IL23R: variants seen among roughly 807,000 people sequenced by gnomAD.
IL23R encodes interleukin 23 receptor.
In IL23R, 34 loss-of-function variants were observed where a neutral mutation model predicts 56.9. The observed-to-expected ratio is 0.60, with a 90% CI of 0.45 to 0.80. IL23R has a LOEUF of 0.80. IL23R is among the 30% of genes least tolerant of loss of function. The pLI is 0.00. For synonymous variants in IL23R, 230 were observed against 249.2 expected (o/e 0.92, Z 0.73); for missense variants, 635 against 730.0 (o/e 0.87, Z 1.50).
intron 5 of IL23R, among the ~76,000 whole-genome samples, chr1:67,204,278 T>C (rs978498699): frequency 2.6e-5 from 4 of 152,210 alleles, no homozygotes; most frequent in African/African-American, 9.7e-5. Context: ...TTAGCCAGGA[T>C]GGTCTCGATC....
At chr1:67,234,808 A>G (rs1290962098) in intron 7 of IL23R, among the ~76,000 whole-genome samples, 2 of 147,860 alleles carry the variant, frequency 1.4e-5, no homozygotes, top group Non-Finnish European at 3.0e-5. Flanking sequence ...CCTGGGTTCA[A>G]GTGATTCTCC....
At chr1:67,233,110 A>G (rs1175130219) in intron 7 of IL23R, among the ~76,000 whole-genome samples, 4 of 141,756 alleles carry the variant, frequency 2.8e-5, no homozygotes, top group Non-Finnish European at 1.5e-5. Context: ...GCATTTTGGG[A>G]GGCTGAAGCA....
At chr1:67,144,033 A>T (rs534291470) in intron 1 of IL23R, among the ~76,000 whole-genome samples, 1 of 152,352 alleles carries the variant, frequency 6.6e-6, no homozygotes, top group African/African-American at 2.4e-5. Flanking sequence ...AAATAAAATA[A>T]AAAATAATAA....
intron 1 of IL23R, among the ~76,000 whole-genome samples, chr1:67,155,092 T>C (rs1398959085): frequency 6.6e-6 from 1 of 152,232 alleles, no homozygotes; most frequent in Non-Finnish European, 1.5e-5. Flanking sequence ...GAAAATTCTT[T>C]TCTATAAGAA....
At chr1:67,187,337 A>G (rs774974404) in intron 4 of IL23R, among the ~76,000 whole-genome samples, 3 of 152,226 alleles carry the variant, frequency 2.0e-5, no homozygotes, top group Non-Finnish European at 4.4e-5. Context: ...GTAAAACTGC[A>G]TTGCAAATTC....
At chr1:67,168,931 G>T (rs1173901391) in intron 2 of IL23R, among the ~76,000 whole-genome samples, 2 of 151,902 alleles carry the variant, frequency 1.3e-5, no homozygotes, top group East Asian at 3.9e-4. Context: ...AGGCCGAGGC[G>T]GGTGGATCAC....
chr1:67,200,893 T>A lies in IL23R; in HGVS notation c.648T>A (p.Asp216Glu). Residue 216 changes from aspartate to glutamate, a missense_variant, in exon 5 of 11, where the codon GAT becomes GAA. By Grantham distance (45) the Asp-to-Glu change is conservative (BLOSUM62 2). Transcript: ENST00000347310. ...AACAACTGCAAATTCACCTGGATGA[T>A]ATAGGTAAAGAATAAGAAATTCTGT... ...ESKQLQIHLD[D>E]IVIPSAAVIS... The A allele has an allele frequency of 6.2e-7, 1 of 1,614,020 alleles. No homozygotes were observed. The highest frequency in any genetic ancestry group is 8.5e-7 in the Non-Finnish European group (1 of 1,179,954).
intron 3 of IL23R, among the ~76,000 whole-genome samples, chr1:67,177,732 T>C (rs1320955996): frequency 6.6e-6 from 1 of 151,392 alleles, no homozygotes; most frequent in Non-Finnish European, 1.5e-5. Flanking sequence ...GGTATTCTTC[T>C]AGGGTTTTTA....
At chr1:67,190,474 C>A (rs1405019724) in intron 4 of IL23R, among the ~76,000 whole-genome samples, 1 of 149,980 alleles carries the variant, frequency 6.7e-6, no homozygotes, top group African/African-American at 2.5e-5. Flanking sequence ...GTGCTAATAA[C>A]CATCTCCCTA....
intron 3 of IL23R, among the ~76,000 whole-genome samples, chr1:67,174,629 C>A (rs2102564448): frequency 6.6e-6 from 1 of 151,912 alleles, no homozygotes; most frequent in African/African-American, 2.4e-5. Context: ...GAGAGCCACA[C>A]CTGAAAAGTG....
rs150249594 is a variant in IL23R, at chr1:67,208,823, C to T, written c.798+1768C>T. On this transcript the variant is annotated intron_variant, in intron 6 of 10. Coordinates refer to ENST00000347310, the MANE Select transcript of IL23R (RefSeq NM_144701.3). ...GAGCTGTGAGAAGAGGGCCACCATC[C>T]TCCAGATTCCAGAATGGTAGATCCA... Among the ~76,000 whole-genome samples, 618 of 152,252 alleles carry T rather than the reference C, an allele frequency of 4.1e-3. 2 individuals are homozygous for T. The highest frequency in any genetic ancestry group is 0.02 in the Middle Eastern group (6 of 294).
chr1:67,255,746 T>A lies in IL23R; in HGVS notation c.1149-91T>A, dbSNP rs1011020907. The stretch of plus-strand genomic sequence containing the variant: ...GAGCCACTGTGCCCGACCTAGGAAA[T>A]TTGATTTTTAATATACATTTTATTC... On this transcript the variant is annotated intron_variant, in intron 9 of 10. Coordinates refer to ENST00000347310, the MANE Select transcript of IL23R (RefSeq NM_144701.3). 1.0e-4 allele frequency: 73 copies of A among 725,882 alleles called. No individual in the cohort carries two copies. The African/African-American group carries it at 1.2e-3, about 12-fold the overall frequency. The allele number at this position is 725,882 out of a possible 1,614,324, so 45.0% of individuals were successfully genotyped here.
intron 4 of IL23R, among the ~76,000 whole-genome samples, chr1:67,192,815 T>A (rs1042822128): frequency 6.6e-6 from 1 of 152,098 alleles, no homozygotes; most frequent in African/African-American, 2.4e-5. Context: ...CCAGATCATC[T>A]CTCACTTGGG....
intron 6 of IL23R, among the ~76,000 whole-genome samples, chr1:67,218,976 AATAAATAAATATATATACACAC>A (rs1279143525): frequency 2.7e-5 from 4 of 149,950 alleles, no homozygotes; most frequent in Admixed American, 6.7e-5. Context: ...CACACATATA[AATAAATAAATATATATACACAC>A]ATAAATAAAT....
chr1:67,243,480 C>A (rs1570914615), intron 9 of IL23R, among the ~76,000 whole-genome samples: 1 of 152,116 alleles, frequency 6.6e-6, no homozygotes, highest in East Asian at 1.9e-4. Context: ...CCTTGACAGG[C>A]CCCAATGTGT....
chr1:67,231,995 G>A (rs1347707466), intron 7 of IL23R: 1 of 152,142 alleles, frequency 6.6e-6, no homozygotes, highest in Non-Finnish European at 1.5e-5. Context: ...ACTCTAGCTT[G>A]GGTGATGGTG....
At position 67,258,485 on chromosome 1, in the gene IL23R, G is replaced by A. The variant is rs1442474244; in HGVS notation, c.1247G>A (p.Ser416Asn). Residue 416 changes from serine to asparagine, a missense_variant, in exon 11 of 11, where the codon AGT becomes AAT. By Grantham distance (46) the Ser-to-Asn change is conservative. Transcript: ENST00000347310. ...SNVVKMLQEN[S>N]ELMNNNSSEQ... is the part of the protein sequence containing the mutation. ...GATGTCTTTTTTTCCTAGGAAAATA[G>A]TGAACTTATGAATAATAATTCCAGT... is the stretch of plus-strand genomic sequence containing the variant. The A allele has an allele frequency of 6.3e-7, 1 of 1,595,316 alleles. No individual in the cohort carries two copies. The highest frequency in any genetic ancestry group is 1.1e-5 in the South Asian group (1 of 87,586).
At chr1:67,223,990 T>C (rs1650460587) in intron 7 of IL23R, among the ~76,000 whole-genome samples, 1 of 151,828 alleles carries the variant, frequency 6.6e-6, no homozygotes, top group Non-Finnish European at 1.5e-5. Context: ...ATCTTTAATA[T>C]TGATTGCTTT....
intron 4 of IL23R, among the ~76,000 whole-genome samples, chr1:67,187,798 G>A (rs945911066): frequency 4.6e-5 from 7 of 152,178 alleles, no homozygotes; most frequent in African/African-American, 1.7e-4. Flanking sequence ...AGGCGCAGTG[G>A]CACACGCTTG....
Sources: allele counts gnomAD v4.1 joint callset (sites outside exome capture counted in the v4.1 genomes callset), GRCh38; gene constraint gnomAD v4.1.1; transcripts MANE v1.5; gene names NCBI Gene and HGNC (gene_info 2026-07-23, HGNC 2026-07-21).